Variants in CSMD1 observed in about 807,000 individuals in gnomAD.
CSMD1 encodes the protein CUB and Sushi multiple domains 1.
A neutral mutation model predicts 417.5 loss-of-function variants in CSMD1; 213 were observed. That is an observed-to-expected ratio of 0.51 (90% CI 0.46 to 0.57). The LOEUF (loss-of-function observed/expected upper bound fraction) is 0.57. CSMD1 is among the 20% of genes least tolerant of loss of function. The pLI is 0.00. For missense variants in CSMD1, 6,923 were observed against 4,529.7 expected, an observed-to-expected ratio of 1.53 and a Z score of -15.17; for synonymous variants, 2,862 against 1,736.8, an observed-to-expected ratio of 1.65 and a Z score of -16.11.
chr8:3,685,307 T>C (rs1024832974), intron 7 of CSMD1, among the ~76,000 whole-genome samples: 1 of 152,136 alleles, frequency 6.6e-6, no homozygotes, highest in Non-Finnish European at 1.5e-5. Flanking sequence ...GCAGTCTAGT[T>C]GTCTTTCCCC....
chr8:3,819,561 C>T (rs28417536), intron 5 of CSMD1, among the ~76,000 whole-genome samples: 1,691 of 149,844 alleles, frequency 0.011, 39 homozygotes, highest in African/African-American at 0.031. Context: ...CACACACACA[C>T]GTATGTATAT....
chr8:4,045,157 G>C (rs1232083652), intron 3 of CSMD1, among the ~76,000 whole-genome samples: 1 of 152,180 alleles, frequency 6.6e-6, no homozygotes, highest in Non-Finnish European at 1.5e-5. Flanking sequence ...CGGCCACGCA[G>C]TCGTGGGCTG....
chr8:3,701,249 G>A (rs1035087144), intron 7 of CSMD1, among the ~76,000 whole-genome samples: 1 of 152,152 alleles, frequency 6.6e-6, no homozygotes, highest in Non-Finnish European at 1.5e-5. Flanking sequence ...GTCCATTCTG[G>A]AATTGGATCA....
At chr8:3,253,520 A>C (rs1416240867) in intron 26 of CSMD1, among the ~76,000 whole-genome samples, 3 of 152,056 alleles carry the variant, frequency 2.0e-5, no homozygotes, top group Non-Finnish European at 2.9e-5. Flanking sequence ...TTTGGGGTGG[A>C]GAGTTCTGTA....
intron 3 of CSMD1, among the ~76,000 whole-genome samples, chr8:4,051,820 C>T (rs181525427): frequency 3.3e-5 from 5 of 150,854 alleles, no homozygotes; most frequent in Non-Finnish European, 2.9e-5. Context: ...CAGTTTTCTT[C>T]TCTTTCTTCT....
chr8:3,760,966 T>TA (rs1797963171), intron 5 of CSMD1, among the ~76,000 whole-genome samples: 1 of 152,082 alleles, frequency 6.6e-6, no homozygotes, highest in East Asian at 1.9e-4. Context: ...TTTTTCTTTT[T>TA]TTTTTGCATT....
intron 10 of CSMD1, among the ~76,000 whole-genome samples, chr8:3,518,915 T>C (rs528474442): frequency 4.4e-4 from 67 of 152,346 alleles, no homozygotes; most frequent in African/African-American, 1.5e-3. Context: ...CTGAGAGCTG[T>C]TGAATCTCCT....
intron 41 of CSMD1, among the ~76,000 whole-genome samples, chr8:3,122,587 C>T (rs1484947240): frequency 6.6e-6 from 1 of 152,134 alleles, no homozygotes; most frequent in East Asian, 1.9e-4. Flanking sequence ...GAGGTAATTG[C>T]ATCAGAGGGT....
At chr8:4,218,004 TCA>T (rs1202369827) in intron 3 of CSMD1, among the ~76,000 whole-genome samples, 1 of 152,084 alleles carries the variant, frequency 6.6e-6, no homozygotes, top group Non-Finnish European at 1.5e-5. Flanking sequence ...ATATCCAACC[TCA>T]CAAAAAGAAA....
At chr8:4,911,396 T>C (rs1805660746) in intron 1 of CSMD1, among the ~76,000 whole-genome samples, 1 of 152,246 alleles carries the variant, frequency 6.6e-6, no homozygotes, top group South Asian at 2.1e-4. Flanking sequence ...TCTCTAGATT[T>C]GTTAGGTAAT....
chr8:4,021,788 C>T (rs943568355), intron 4 of CSMD1, among the ~76,000 whole-genome samples: 1 of 152,108 alleles, frequency 6.6e-6, no homozygotes, highest in African/African-American at 2.4e-5. Context: ...ATGAAGAAGC[C>T]ATTTAGTGAT....
chr8:3,967,746 A>G (rs955019224), intron 5 of CSMD1, among the ~76,000 whole-genome samples: 6 of 152,208 alleles, frequency 3.9e-5, no homozygotes, highest in Non-Finnish European at 1.5e-5. Context: ...GCCAAGAAGA[A>G]AGAACCTAAT....
chr8:4,457,571 T>C (rs1447217255), intron 2 of CSMD1, among the ~76,000 whole-genome samples: 1 of 152,162 alleles, frequency 6.6e-6, no homozygotes, highest in African/African-American at 2.4e-5. Context: ...TAATTTATTG[T>C]CTCTGAGCTT....
chr8:4,750,666 T>C (rs1219057122), intron 1 of CSMD1, among the ~76,000 whole-genome samples: 1 of 152,140 alleles, frequency 6.6e-6, no homozygotes, highest in East Asian at 1.9e-4. Flanking sequence ...GAATCTAGTT[T>C]ATTACAAATT....
intron 3 of CSMD1, among the ~76,000 whole-genome samples, chr8:4,295,283 CATATAATCTTAAGATTAT>C (rs1797611197): frequency 9.6e-6 from 1 of 104,010 alleles, no homozygotes; most frequent in Non-Finnish European, 2.1e-5. Flanking sequence ...ATTATATGCA[CATATAATCTTAAGATTAT>C]CTATATAATC....
chr8:3,699,142 G>A lies in CSMD1; in HGVS notation c.1009+9272C>T, dbSNP rs116648265. On this transcript the variant is annotated intron_variant, in intron 7 of 69. Coordinates refer to ENST00000635120, the MANE Select transcript of CSMD1 (RefSeq NM_033225.6). ...CTCAGCCATTGACTCAGTAACAAAT[G>A]AACTCCTTCAGCAGTGGGATGGAGG... Among the ~76,000 whole-genome samples the A allele has an allele frequency of 2.2e-3, 332 of 152,328 alleles. 3 individuals carry two copies. The highest frequency in any genetic ancestry group is 7.6e-3 in the African/African-American group (315 of 41,578).
intron 36 of CSMD1, among the ~76,000 whole-genome samples, chr8:3,181,995 G>C (rs1368782933): frequency 2.0e-5 from 3 of 152,102 alleles, no homozygotes; most frequent in East Asian, 3.9e-4. Flanking sequence ...CCTGATGTAT[G>C]TTCAATACTC....
intron 3 of CSMD1, among the ~76,000 whole-genome samples, chr8:4,301,349 T>C (rs1458783878): frequency 2.6e-5 from 4 of 152,218 alleles, no homozygotes; most frequent in African/African-American, 9.6e-5. Context: ...TGCTTTTGCT[T>C]TGACTGTACC....
At chr8:4,249,475 G>C (rs1018624531) in intron 3 of CSMD1, among the ~76,000 whole-genome samples, 1 of 152,126 alleles carries the variant, frequency 6.6e-6, no homozygotes. Context: ...ATGTAAACAG[G>C]GTTAAACATT....
Sources: gnomAD v4.1 joint callset for allele counts (sites outside exome capture counted in the v4.1 genomes callset) on GRCh38, gnomAD v4.1.1 for gene constraint, MANE v1.5 for transcripts, NCBI Gene and HGNC (gene_info 2026-07-23, HGNC 2026-07-21) for gene names.